FAM219A: variants seen among roughly 807,000 people sequenced by gnomAD.
FAM219A encodes the protein family with sequence similarity 219 member A.
A neutral mutation model predicts 23.4 loss-of-function variants in FAM219A; 7 were observed. The observed-to-expected ratio is 0.30, with a 90% CI of 0.17 to 0.56. The LOEUF is 0.56. FAM219A is among the 20% of genes least tolerant of loss of function. The pLI is 0.92. For synonymous variants in FAM219A, 93 were observed against 99.0 expected (o/e 0.94, Z 0.36); for missense variants, 166 against 246.9 (o/e 0.67, Z 2.20).
intron 1 of FAM219A, among the ~76,000 whole-genome samples, chr9:34,455,103 TG>T (rs1273728865): frequency 6.6e-6 from 1 of 152,194 alleles, no homozygotes; most frequent in Non-Finnish European, 1.5e-5. Flanking sequence ...TCTGTGTCTG[TG>T]TTGCTAACCA....
At chr9:34,439,041 C>T (rs961944222) in intron 1 of FAM219A, among the ~76,000 whole-genome samples, 15 of 151,618 alleles carry the variant, frequency 9.9e-5, no homozygotes, top group African/African-American at 2.7e-4. Context: ...ACTCCAGAGG[C>T]GCTGCCTTAA....
chr9:34,421,057 G>C (rs1822265323), intron 1 of FAM219A, among the ~76,000 whole-genome samples: 1 of 103,704 alleles, frequency 9.6e-6, no homozygotes, highest in South Asian at 2.9e-4. Context: ...TGGCTCTGCT[G>C]AAACAAATTT....
intron 1 of FAM219A, among the ~76,000 whole-genome samples, chr9:34,435,814 T>C (rs1402432656): frequency 1.0e-5 from 1 of 100,178 alleles, no homozygotes; most frequent in African/African-American, 3.9e-5. Flanking sequence ...TTTAGATTGC[T>C]TTTTTTTTTG....
intron 1 of FAM219A, among the ~76,000 whole-genome samples, chr9:34,437,004 A>G (rs1014004517): frequency 1.1e-4 from 16 of 152,168 alleles, no homozygotes; most frequent in Non-Finnish European, 2.2e-4. Flanking sequence ...TAAAGTATTC[A>G]TCAGTCCTAA....
Position 34,419,157 on chromosome 9 carries a change from A to AT in FAM219A, c.61-13194dup, listed in dbSNP as rs892876246. 1.6e-3 allele frequency among the ~76,000 whole-genome samples: 243 copies of AT among 151,892 alleles called. No homozygotes were observed. In the Middle Eastern group the frequency reaches 0.031, roughly 19 times the overall value. On this transcript the variant is annotated intron_variant, in intron 1 of 5. Coordinates refer to ENST00000651358, the MANE Select transcript of FAM219A (RefSeq NM_001184940.2). Reference sequence around the variant, plus strand: ...TTTATGTTATGCATATTCTAATACAATTTTTTTTTAAAAAAATTGAGAAGC... The same window carrying AT: ...TTTATGTTATGCATATTCTAATACAATTTTTTTTTTAAAAAAATTGAGAAGC...
At chr9:34,414,508 T>A (rs1160334427) in intron 1 of FAM219A, among the ~76,000 whole-genome samples, 1 of 152,064 alleles carries the variant, frequency 6.6e-6, no homozygotes, top group Non-Finnish European at 1.5e-5. Context: ...TGCACATGTA[T>A]CCCAGAACTT....
intron 1 of FAM219A, among the ~76,000 whole-genome samples, chr9:34,437,623 G>A (rs1822970002): frequency 6.6e-6 from 1 of 152,240 alleles, no homozygotes; most frequent in African/African-American, 2.4e-5. Context: ...CACTTACTAG[G>A]TTGTGTGACC....
At chr9:34,433,073 T>C (rs891182218) in intron 1 of FAM219A, among the ~76,000 whole-genome samples, 5 of 152,194 alleles carry the variant, frequency 3.3e-5, no homozygotes, top group Non-Finnish European at 7.3e-5. Context: ...ACTTCATATA[T>C]AAAAAATTGG....
chr9:34,413,103 T>C (rs201453650), intron 1 of FAM219A, among the ~76,000 whole-genome samples: 3 of 151,566 alleles, frequency 2.0e-5, no homozygotes, highest in Non-Finnish European at 2.9e-5. Context: ...CATGAGCAGA[T>C]GGAGCCAGAA....
intron 1 of FAM219A, among the ~76,000 whole-genome samples, chr9:34,434,438 C>T (rs1822830399): frequency 6.6e-6 from 1 of 152,096 alleles, no homozygotes; most frequent in East Asian, 1.9e-4. Context: ...CATTTAATCT[C>T]TGATAATCCA....
At position 34,433,125 on chromosome 9, in the gene FAM219A, C is replaced by T. The variant is rs551702594; in HGVS notation, c.60+25079G>A. 2.0e-5 allele frequency among the ~76,000 whole-genome samples: 3 copies of T among 152,320 alleles called. No homozygotes were observed. In the East Asian group the frequency reaches 5.8e-4, roughly 29 times the overall value. Reference sequence around the variant, plus strand: ...ATATTTGTCCTTTCTCCTCCATTTACTTATTTATTCAATCATGTATTTATA... The same window carrying T: ...ATATTTGTCCTTTCTCCTCCATTTATTTATTTATTCAATCATGTATTTATA... On this transcript the variant is annotated intron_variant, in intron 1 of 5. Transcript: ENST00000651358.
chr9:34,421,003 T>A (rs1408352481), intron 1 of FAM219A, among the ~76,000 whole-genome samples: 1,375 of 46,468 alleles, frequency 0.03, 18 homozygotes, highest in African/African-American at 0.1. Context: ...TGTGTGTGTG[T>A]GTGTGTGAGA....
At chr9:34,409,426 AAAGTGCCCCCC>A (rs1313956287) in intron 1 of FAM219A, among the ~76,000 whole-genome samples, 1 of 152,256 alleles carries the variant, frequency 6.6e-6, no homozygotes, top group Non-Finnish European at 1.5e-5. Context: ...GGGAGAATTT[AAAGTGCCCCCC>A]AAGGACATCT....
At chr9:34,436,182 CTAT>C (rs1275489765) in intron 1 of FAM219A, among the ~76,000 whole-genome samples, 2 of 151,600 alleles carry the variant, frequency 1.3e-5, no homozygotes, top group African/African-American at 2.4e-5. Flanking sequence ...TCTATTATAA[CTAT>C]TATAATGTTA....
chr9:34,427,240 C>T (rs1356313845), intron 1 of FAM219A, among the ~76,000 whole-genome samples: 5 of 152,006 alleles, frequency 3.3e-5, no homozygotes, highest in Admixed American at 1.3e-4. Flanking sequence ...GGCGCAATCT[C>T]GGCTCACTGC....
intron 5 of FAM219A, 57 bp downstream of exon 5, chr9:34,401,609 C>T (rs565413462): frequency 3.0e-5 from 47 of 1,566,624 alleles, no homozygotes; most frequent in Non-Finnish European, 3.6e-5. Flanking sequence ...AGCCCTCCCC[C>T]GGGATGGCAG....
intron 1 of FAM219A, among the ~76,000 whole-genome samples, chr9:34,437,590 A>T (rs746629085): frequency 1.3e-4 from 20 of 152,170 alleles, no homozygotes; most frequent in Non-Finnish European, 2.8e-4. Flanking sequence ...GACTCCATAC[A>T]CCTGGGCTTG....
chr9:34,421,689 CT>C (rs1427757472), intron 1 of FAM219A, among the ~76,000 whole-genome samples: 2 of 152,016 alleles, frequency 1.3e-5, no homozygotes, highest in African/African-American at 2.4e-5. Context: ...GTACACCCCC[CT>C]GCCACAGCCT....
chr9:34,436,226 AATT>A (rs1822911342), intron 1 of FAM219A, among the ~76,000 whole-genome samples: 1 of 151,738 alleles, frequency 6.6e-6, no homozygotes. Context: ...ATTTATTTAT[AATT>A]ATTATAATTT....
Sources: gnomAD v4.1 joint callset for allele counts (sites outside exome capture counted in the v4.1 genomes callset) on GRCh38, gnomAD v4.1.1 for gene constraint, MANE v1.5 for transcripts, NCBI Gene and HGNC (gene_info 2026-07-23, HGNC 2026-07-21) for gene names.